CNTLN: variants seen among roughly 807,000 people sequenced by gnomAD.
CNTLN encodes the protein centlein.
A neutral mutation model predicts 180.0 loss-of-function variants in CNTLN; 212 were observed. The ratio of observed to expected loss-of-function variants is 1.18; its 90% CI spans 1.05 to 1.32. The LOEUF (loss-of-function observed/expected upper bound fraction) is 1.32, where lower values mean the gene tolerates loss of function less well. Among genes scored for constraint, CNTLN ranks in the 40% most tolerant of loss-of-function variants. The probability of loss-of-function intolerance (pLI) is 0.00; values close to 1 mark genes in which losing one functional copy is unlikely to be tolerated. For missense variants in CNTLN, 2,095 were observed against 1,610.9 expected, an observed-to-expected ratio of 1.30 and a Z score of -5.14; for synonymous variants, 722 against 563.1, an observed-to-expected ratio of 1.28 and a Z score of -3.99.
At chr9:17,400,322 A>G (rs1287615020) in intron 15 of CNTLN, among the ~76,000 whole-genome samples, 1 of 152,108 alleles carries the variant, frequency 6.6e-6, no homozygotes, top group Non-Finnish European at 1.5e-5. Flanking sequence ...TATCTTTACT[A>G]GAGATGAGGT....
rs778558860 is a variant in CNTLN, at chr9:17,235,716, A to G, written c.593A>G (p.Asp198Gly). 2.5e-6 allele frequency: 4 copies of G among 1,607,312 alleles called. No homozygotes were observed. The South Asian group carries it at 4.4e-5, about 18-fold the overall frequency. The change falls in exon 4 of 26, where the codon GAT (aspartate) becomes GGT (glycine). Residue 198 changes from aspartate (D) to glycine (G), a missense_variant. By Grantham distance (94) the Asp-to-Gly change is moderately conservative (BLOSUM62 -1). Transcript: ENST00000380647. ...NDLVKRKIAV[D>G]EENAFLRKEF... ...CTTGTAAAACGGAAAATTGCAGTAG[A>G]TGAAGAAAATGCTTTCTTAAGGAAA...
chr9:17,295,074 G>A (rs1817769336), intron 6 of CNTLN, among the ~76,000 whole-genome samples: 2 of 151,964 alleles, frequency 1.3e-5, no homozygotes, highest in Non-Finnish European at 2.9e-5. Flanking sequence ...CTGCTGGCCT[G>A]GGTGCTAAGC....
intron 13 of CNTLN, among the ~76,000 whole-genome samples, chr9:17,373,509 A>G (rs918885271): frequency 1.3e-5 from 2 of 152,140 alleles, no homozygotes; most frequent in African/African-American, 4.8e-5. Context: ...TCCCCTTTTA[A>G]TGGATTGTTA....
chr9:17,279,533 A>T (rs74918529), intron 6 of CNTLN, among the ~76,000 whole-genome samples: 1,938 of 151,914 alleles, frequency 0.013, 14 homozygotes, highest in Non-Finnish European at 0.021. Context: ...GCCTATTTCC[A>T]CTATAGTCTG....
chr9:17,221,582 G>A (rs752539083), intron 2 of CNTLN, among the ~76,000 whole-genome samples: 7 of 151,952 alleles, frequency 4.6e-5, no homozygotes, highest in Non-Finnish European at 1.0e-4. Context: ...CCAATTCTCC[G>A]CCTTTTGTGT....
rs1026439150 is a variant in CNTLN at position 17,488,436 on chromosome 9, G to T, written c.4119+1370G>T. The stretch of plus-strand genomic sequence containing the variant: ...GTAATGAGGTTTTTCTTTTCAACTT[G>T]AAAATGATAAAAATAAACTTTTTAA... On this transcript the variant is annotated intron_variant, in intron 25 of 25. Coordinates refer to ENST00000380647, the MANE Select transcript of CNTLN (RefSeq NM_017738.4). Among the ~76,000 whole-genome samples, 3 of 152,110 alleles carry T rather than the reference G, an allele frequency of 2.0e-5. No homozygotes were observed. The East Asian group carries it at 5.8e-4, about 29-fold the overall frequency.
At chr9:17,150,744 A>G (rs983773504) in intron 2 of CNTLN, among the ~76,000 whole-genome samples, 17 of 152,138 alleles carry the variant, frequency 1.1e-4, no homozygotes, top group African/African-American at 3.4e-4. Flanking sequence ...TTTGGGCAGT[A>G]TGGCCATTTT....
the CNTLN span, among the ~76,000 whole-genome samples, chr9:17,521,722 A>G: frequency 6.6e-6 from 1 of 152,168 alleles, no homozygotes; most frequent in African/African-American, 2.4e-5. Flanking sequence ...GTTCCTTTCA[A>G]GTGCTAACAG....
chr9:17,192,597 G>A (rs1311418231), intron 2 of CNTLN, among the ~76,000 whole-genome samples: 3 of 152,136 alleles, frequency 2.0e-5, no homozygotes, highest in Admixed American at 2.0e-4. Context: ...CAGAGAACAT[G>A]AGTAACTTGC....
intron 15 of CNTLN, among the ~76,000 whole-genome samples, chr9:17,399,926 C>T (rs1417134785): frequency 1.3e-5 from 2 of 152,156 alleles, no homozygotes; most frequent in Non-Finnish European, 2.9e-5. Context: ...ACCACATTTT[C>T]CCATGACTTT....
rs187541801 is a variant in CNTLN, at chr9:17,236,866, C to A, written c.849+278C>A. Among the ~76,000 whole-genome samples the A allele has an allele frequency of 3.7e-3, 568 of 152,218 alleles. 1 individual carries two copies. The highest frequency in any genetic ancestry group is 6.8e-3 in the Non-Finnish European group (465 of 67,984). On this transcript the variant is annotated intron_variant, in intron 5 of 25. Coordinates refer to ENST00000380647, the MANE Select transcript of CNTLN (RefSeq NM_017738.4). ...TGTTTTCAAATAACATATTTAGAAT[C>A]ATTGGTTTTAACTTTTTCACTTAAG...
chr9:17,266,805 T>C (rs1827493088), intron 5 of CNTLN, among the ~76,000 whole-genome samples: 1 of 152,186 alleles, frequency 6.6e-6, no homozygotes, highest in Admixed American at 6.5e-5. Context: ...GCCTTCTTTG[T>C]CTCTTTTGAT....
chr9:17,282,940 G>T (rs116387884), intron 6 of CNTLN, among the ~76,000 whole-genome samples: 2,100 of 152,116 alleles, frequency 0.014, 52 homozygotes, highest in African/African-American at 0.048. Flanking sequence ...CTGTTCTATT[G>T]GTTCATGTGT....
At position 17,432,847 on chromosome 9, in the gene CNTLN, C is replaced by T. The variant is rs1829498394; in HGVS notation, c.3114+16658C>T. 2.6e-5 allele frequency among the ~76,000 whole-genome samples: 4 copies of T among 151,970 alleles called. No homozygotes were observed. The South Asian group carries it at 8.3e-4, about 32-fold the overall frequency. On this transcript the variant is annotated intron_variant, in intron 18 of 25. Coordinates refer to ENST00000380647, the MANE Select transcript of CNTLN (RefSeq NM_017738.4). ...CCAGCCTGACCAACATAGCAAAACC[C>T]CGTCCCTACTAAAAATACAAACAAT...
In CNTLN at chr9:17,281,279, TAA is replaced by T. The variant is rs757222991; in HGVS notation, c.983+7417_983+7418del. Among the ~76,000 whole-genome samples the T allele has an allele frequency of 5.4e-3, 826 of 152,102 alleles. 6 individuals carry two copies. Among genetic ancestry groups the T allele is most frequent in the Admixed American group, 8.1e-3 (124 of 15,280 alleles). On this transcript the variant is annotated intron_variant, in intron 6 of 25. Coordinates refer to ENST00000380647, the MANE Select transcript of CNTLN (RefSeq NM_017738.4). ...TGTCCTGTTATTTTATTTTATTTTT[TAA>T]AAATTAATTTTGTTTCAAGTTCCAG...
chr9:17,322,250 T>C (rs1819965492), intron 8 of CNTLN, among the ~76,000 whole-genome samples: 1 of 152,114 alleles, frequency 6.6e-6, no homozygotes, highest in Non-Finnish European at 1.5e-5. Context: ...TGATATGATT[T>C]TTAGCCTTAA....
At chr9:17,245,860 T>G (rs1393127758) in intron 5 of CNTLN, among the ~76,000 whole-genome samples, 1 of 152,026 alleles carries the variant, frequency 6.6e-6, no homozygotes, top group Non-Finnish European at 1.5e-5. Context: ...AGTTACATTT[T>G]TCAGTTCCAG....
At chr9:17,296,910 A>G (rs1171861658) in intron 6 of CNTLN, among the ~76,000 whole-genome samples, 1 of 152,192 alleles carries the variant, frequency 6.6e-6, no homozygotes, top group Non-Finnish European at 1.5e-5. Context: ...ATGTTCAACA[A>G]CTGTCTCCGT....
chr9:17,421,850 C>T (rs759790080), intron 18 of CNTLN, among the ~76,000 whole-genome samples: 7 of 152,038 alleles, frequency 4.6e-5, no homozygotes, highest in Non-Finnish European at 8.8e-5. Context: ...CAAAGAGAAA[C>T]CTAATATACA....
Sources: gnomAD v4.1 joint callset for allele counts (sites outside exome capture counted in the v4.1 genomes callset) on GRCh38, gnomAD v4.1.1 for gene constraint, MANE v1.5 for transcripts, NCBI Gene and HGNC (gene_info 2026-07-23, HGNC 2026-07-21) for gene names.